The following CENPF variants were observed in gnomAD, a reference collection of about 807,000 sequenced individuals.
CENPF encodes AH antigen.
Under a neutral mutation model 307.3 loss-of-function variants are expected in CENPF, and 214 were observed. That is an observed-to-expected ratio of 0.70 (90% CI 0.62 to 0.78). CENPF has a LOEUF of 0.78. Among genes scored for constraint, CENPF ranks in the 30% least tolerant of loss-of-function variants. The probability of loss-of-function intolerance (pLI) is 0.00; values close to 1 mark genes in which losing one functional copy is unlikely to be tolerated. For synonymous variants in CENPF, 1,259 were observed against 1,270.6 expected, an observed-to-expected ratio of 0.99 and a Z score of 0.19; for missense variants, 3,401 against 3,483.9, an observed-to-expected ratio of 0.98 and a Z score of 0.60.
At chr1:214,618,206 C>A (rs568893603) in intron 3 of CENPF, among the ~76,000 whole-genome samples, 25 of 152,264 alleles carry the variant, frequency 1.6e-4, no homozygotes, top group African/African-American at 5.5e-4. Flanking sequence ...GTCCCCACCA[C>A]CCCACCACAC....
At chr1:214,633,018 G>A (rs1380725510) in intron 10 of CENPF, among the ~76,000 whole-genome samples, 1 of 152,168 alleles carries the variant, frequency 6.6e-6, no homozygotes, top group Non-Finnish European at 1.5e-5. Flanking sequence ...GTTGGCATTT[G>A]TGTCTTTCAA....
intron 19 of CENPF, among the ~76,000 whole-genome samples, chr1:214,662,111 T>C (rs1658801560): frequency 6.6e-6 from 1 of 152,174 alleles, no homozygotes; most frequent in Admixed American, 6.5e-5. Flanking sequence ...TTGATTGGGA[T>C]AAAGAGGCTT....
Position 214,642,434 on chromosome 1 carries a change from G to A in CENPF, c.4096G>A (p.Gly1366Arg), listed in dbSNP as rs770371423. Reference sequence around the variant, plus strand: ...TGGTGAGTTAGTGGAAGACATACCAGGAGGTGAATTTGGTGAACAACCAAA... The same window carrying A: ...TGGTGAGTTAGTGGAAGACATACCAAGAGGTGAATTTGGTGAACAACCAAA... ...LHGELVEDIP[G>R]GEFGEQPNEQ... The change falls in exon 12 of 20, where the codon GGA becomes AGA. Residue 1366 changes from glycine (G) to arginine (R), a missense_variant. Gly to Arg is a moderately radical substitution (Grantham distance 125). Transcript: ENST00000366955. 6.3e-7 allele frequency: 1 copy of A among 1,596,458 alleles called. No homozygotes were observed. The highest frequency in any genetic ancestry group is 1.3e-5 in the African/African-American group (1 of 74,428).
chr1:214,608,602 T>G, intron 1 of CENPF: 1 of 1,608,588 alleles, frequency 6.2e-7, no homozygotes, highest in Non-Finnish European at 8.5e-7. Flanking sequence ...CAGCTCGCGC[T>G]GGCTGTACTG....
Position 214,613,734 on chromosome 1 carries a change from T to G in CENPF, c.-21T>G, listed in dbSNP as rs1026837146. On this transcript the variant is annotated 5_prime_UTR_variant, in exon 2 of 20. It removes the in-frame stop codon of an upstream open reading frame in the 5' UTR. Transcript: ENST00000366955. Reference sequence around the variant, plus strand: ...TTCAGTTTATTTACAAATGTTGGAGTAATAAAGAAGGCAGAACAAAATGAG... The same window carrying G: ...TTCAGTTTATTTACAAATGTTGGAGGAATAAAGAAGGCAGAACAAAATGAG... The G allele has an allele frequency of 1.3e-6, 2 of 1,568,156 alleles. No homozygotes were observed. The highest frequency in any genetic ancestry group is 1.7e-6 in the Non-Finnish European group (2 of 1,159,872).
chr1:214,641,104 TGA>T lies in CENPF; in HGVS notation c.2768_2769del (p.Glu923AlafsTer15). 6.3e-7 allele frequency: 1 copy of T among 1,577,796 alleles called. No individual in the cohort carries two copies. The highest frequency in any genetic ancestry group is 8.5e-7 in the Non-Finnish European group (1 of 1,170,656). ...AACTTTTAAATGATAAGGTAGAAACTGAGCAGGCAGAGATTCAAGAATTAAAA... is the reference window on the plus strand; with the variant it reads ...AACTTTTAAATGATAAGGTAGAAACTGCAGGCAGAGATTCAAGAATTAAAA... ...LQLLNDKVETEQAEIQELKKS... is the reference protein window; with the variant it reads ...LQLLNDKVETXQAEIQELKKS... On this transcript the variant is annotated frameshift_variant, in exon 12 of 20. Coordinates refer to ENST00000366955, the MANE Select transcript of CENPF (RefSeq NM_016343.4). LOFTEE classifies it high-confidence loss of function.
chr1:214,641,387 C>G lies in CENPF; in HGVS notation c.3049C>G (p.Gln1017Glu). Residue 1017 changes from glutamine (Q) to glutamate (E), a missense_variant, in exon 12 of 20, where the codon CAG (glutamine) becomes GAG (glutamate). Gln to Glu is a conservative substitution (Grantham distance 29, BLOSUM62 2). Transcript: ENST00000366955. ...REKSISELSD[Q>E]YKQEKLILLQ... ...GAAAAGCATTTCAGAGTTATCTGATCAGTACAAGCAAGAAAAACTTATTTT... is the reference window on the plus strand; with the variant it reads ...GAAAAGCATTTCAGAGTTATCTGATGAGTACAAGCAAGAAAAACTTATTTT... 2.5e-6 allele frequency: 4 copies of G among 1,583,864 alleles called. No individual in the cohort carries two copies. The highest frequency in any genetic ancestry group is 3.4e-6 in the Non-Finnish European group (4 of 1,172,456).
At chr1:214,608,409 G>A in intron 1 of CENPF, 1 of 1,613,618 alleles carries the variant, frequency 6.2e-7, no homozygotes, top group Non-Finnish European at 8.5e-7. Context: ...AGTAGTCGTA[G>A]GAGAAGATGT....
At chr1:214,647,775 A>G (rs958136624) in intron 13 of CENPF, among the ~76,000 whole-genome samples, 4 of 152,216 alleles carry the variant, frequency 2.6e-5, no homozygotes, top group Admixed American at 2.6e-4. Flanking sequence ...AGAGTATAAC[A>G]GACATTATCT....
intron 18 of CENPF, among the ~76,000 whole-genome samples, chr1:214,658,496 A>G (rs746700309): frequency 4.0e-5 from 6 of 150,810 alleles, no homozygotes; most frequent in African/African-American, 7.3e-5. Flanking sequence ...TTTTTCCCCA[A>G]CCCAATTTTA....
Position 214,657,191 on chromosome 1 carries a change from C to T in CENPF, c.8744C>T (p.Ser2915Phe). The change falls in exon 18 of 20, where the codon TCT (serine) becomes TTT (phenylalanine). Residue 2915 changes from serine to phenylalanine, a missense_variant. Transcript: ENST00000366955. ...PVVPGPSPIP[S>F]VTEKRLSSGQ... ...GTTCCAGGACCATCTCCAATCCCTT[C>T]TGTTACTGAAAAGAGGTTATCATCT... 1.2e-6 allele frequency: 2 copies of T among 1,614,162 alleles called. No individual in the cohort carries two copies. Among genetic ancestry groups the T allele is most frequent in the Non-Finnish European group, 1.7e-6 (2 of 1,180,020 alleles).
At chr1:214,615,584 T>C (rs1398875494) in intron 3 of CENPF, among the ~76,000 whole-genome samples, 1 of 152,114 alleles carries the variant, frequency 6.6e-6, no homozygotes, top group Non-Finnish European at 1.5e-5. Flanking sequence ...GAGGGCCCAG[T>C]TGAGATTGGA....
Position 214,658,087 on chromosome 1 carries a change from C to A in CENPF, c.8962+678C>A, listed in dbSNP as rs186520930. Among the ~76,000 whole-genome samples, 3 of 152,316 alleles carry A rather than the reference C, an allele frequency of 2.0e-5. No homozygotes were observed. The East Asian group carries it at 5.8e-4, about 29-fold the overall frequency. ...CTGCCCCCAAATATCAAAACTGATGCTTTGCCATTGATGGTTTGAAAAGCA... is the reference window on the plus strand; with the variant it reads ...CTGCCCCCAAATATCAAAACTGATGATTTGCCATTGATGGTTTGAAAAGCA... On this transcript the variant is annotated intron_variant, in intron 18 of 19. Coordinates refer to ENST00000366955, the MANE Select transcript of CENPF (RefSeq NM_016343.4).
At chr1:214,605,497 C>A in intron 1 of CENPF, 1 of 441,800 alleles carries the variant, frequency 2.3e-6, no homozygotes, top group East Asian at 3.5e-5. Context: ...GTATTTTCTT[C>A]TTGCTTCCAA....
At chr1:214,652,227 G>A (rs1282694217) in intron 15 of CENPF, among the ~76,000 whole-genome samples, 3 of 151,210 alleles carry the variant, frequency 2.0e-5, no homozygotes, top group East Asian at 3.9e-4. Flanking sequence ...AGTAGTGATG[G>A]GGTTTCACTG....
intron 3 of CENPF, 65 bp from the exon 4 acceptor site, chr1:214,618,508 G>A: frequency 6.4e-7 from 1 of 1,560,638 alleles, no homozygotes; most frequent in Non-Finnish European, 8.7e-7. Context: ...GGGAATGTAA[G>A]GCATTGATAT....
Position 214,655,347 on chromosome 1 carries a change from A to G in CENPF, c.8429A>G (p.Glu2810Gly). ...KSCKQLEEEKEILQKELSQLQ... is the reference protein window; with the variant it reads ...KSCKQLEEEKGILQKELSQLQ... ...TGTAAACAGCTGGAAGAGGAAAAGGAGATACTGCAGAAAGAACTCTCTCAA... is the reference window on the plus strand; with the variant it reads ...TGTAAACAGCTGGAAGAGGAAAAGGGGATACTGCAGAAAGAACTCTCTCAA... The change falls in exon 17 of 20, where the codon GAG becomes GGG. Residue 2810 changes from glutamate to glycine, a missense_variant. Physicochemically the swap from Glu to Gly is moderately conservative, Grantham distance 98 (BLOSUM62 -2). Coordinates refer to ENST00000366955, the MANE Select transcript of CENPF (RefSeq NM_016343.4). 1.2e-6 allele frequency: 2 copies of G among 1,610,552 alleles called. No individual in the cohort carries two copies. The highest frequency in any genetic ancestry group is 1.7e-6 in the Non-Finnish European group (2 of 1,178,298).
chr1:214,622,215 A>G lies in CENPF; in HGVS notation c.1002A>G (p.Lys334=). The G allele has an allele frequency of 6.2e-7, 1 of 1,614,114 alleles. No individual in the cohort carries two copies. Among genetic ancestry groups the G allele is most frequent in the Non-Finnish European group, 8.5e-7 (1 of 1,179,992 alleles). ...KAKVELIEKE[K]VLNKCRDELV... is the part of the protein sequence containing the mutation. ...AAGTGGAATTAATTGAAAAAGAGAA[A>G]GTTTTGAACAAATGTAGGGATGAAC... The change falls in exon 7 of 20, where the codon AAA becomes AAG. Residue 334 remains lysine, a synonymous_variant. Coordinates refer to ENST00000366955, the MANE Select transcript of CENPF (RefSeq NM_016343.4).
At chr1:214,632,869 C>T (rs978596117) in intron 10 of CENPF, among the ~76,000 whole-genome samples, 21 of 152,048 alleles carry the variant, frequency 1.4e-4, no homozygotes, top group Non-Finnish European at 7.4e-5. Flanking sequence ...TACAACATGA[C>T]TTGTATTAAG....
Sources: gnomAD v4.1 joint callset for allele counts (sites outside exome capture counted in the v4.1 genomes callset) on GRCh38, gnomAD v4.1.1 for gene constraint, MANE v1.5 for transcripts, NCBI Gene and HGNC (gene_info 2026-07-23, HGNC 2026-07-21) for gene names.